ABCC9: variants seen among roughly 807,000 people sequenced by gnomAD.
The protein encoded by ABCC9 is ATP-binding cassette sub-family C member 9.
A neutral mutation model predicts 188.3 loss-of-function variants in ABCC9; 95 were observed. The observed-to-expected ratio is 0.50, with a 90% CI of 0.43 to 0.60. ABCC9 has a LOEUF of 0.60. Among genes scored for constraint, ABCC9 ranks in the 20% least tolerant of loss-of-function variants. The pLI, the probability that ABCC9 is intolerant of heterozygous loss-of-function variation, is 0.00. For missense variants in ABCC9, 1,102 were observed against 1,876.3 expected (o/e 0.59, Z 7.62); for synonymous variants, 659 against 652.7 (o/e 1.01, Z -0.15).
intron 35 of ABCC9, among the ~76,000 whole-genome samples, chr12:21,812,602 G>T (rs1942321261): frequency 6.6e-6 from 1 of 152,060 alleles, no homozygotes; most frequent in Non-Finnish European, 1.5e-5. Context: ...CACAGGAACA[G>T]AAAACCAAAT....
At position 21,799,272 on chromosome 12, in the gene ABCC9, G is replaced by T. The variant is rs941415293; in HGVS notation, c.*1772C>A. 3.7e-5 allele frequency: 5 copies of T among 134,452 alleles called. No individual in the cohort carries two copies. 8.3% of individuals were successfully genotyped at this position (134,452 alleles called of 1,614,324 possible). ...TAAAAAAAAAATTAAAAAAAAAAAA[G>T]AAAAAAAAAAGATTACTTCCATGGG... On this transcript the variant is annotated 3_prime_UTR_variant, in exon 40 of 40. Transcript: ENST00000261200.
intron 15 of ABCC9, 150 bp downstream of exon 15, chr12:21,887,676 G>A: frequency 1.5e-6 from 1 of 659,710 alleles, no homozygotes; most frequent in Non-Finnish European, 2.8e-6. Context: ...TTTTAGACTT[G>A]TGAGGTTGTA....
chr12:21,844,943 A>G (rs373853020), intron 26 of ABCC9, 28 bp from the exon 27 acceptor site: 8 of 1,612,088 alleles, frequency 5.0e-6, no homozygotes, highest in East Asian at 2.2e-5. Context: ...CAAAAAGCAC[A>G]TAGGAAATTA....
intron 2 of ABCC9, 138 bp from the exon 3 acceptor site, chr12:21,936,832 T>C: frequency 1.6e-6 from 1 of 638,800 alleles, no homozygotes. Flanking sequence ...TAAGAAACTC[T>C]GTGCCAAAGC....
intron 2 of ABCC9, among the ~76,000 whole-genome samples, chr12:21,937,795 G>T (rs934061777): frequency 1.8e-4 from 28 of 152,248 alleles, no homozygotes; most frequent in African/African-American, 6.7e-4. Context: ...AACCAGTAAA[G>T]CGGTCATGTC....
Position 21,852,097 on chromosome 12 carries a change from C to A in ABCC9, c.2769G>T (p.Lys923Asn). Reference protein sequence around the residue: ...LMNRQDQELEKDMEADQTTLE... With the variant: ...LMNRQDQELENDMEADQTTLE... Reference sequence around the variant, plus strand: ...ACTCTTCTGAACTATGAGCACTTACCTTTTCTAATTCTTGATCTTGCCGAT... The same window carrying A: ...ACTCTTCTGAACTATGAGCACTTACATTTTCTAATTCTTGATCTTGCCGAT... Residue 923 changes from lysine to asparagine, a missense_variant and splice_region_variant, in exon 24 of 40, where the codon AAG becomes AAT. By Grantham distance (94) the Lys-to-Asn change is moderately conservative. This residue lies in a region of ABCC9 where 131 missense variants were observed against 170.2 expected (regional missense o/e 0.77). Transcript: ENST00000261200. 1 of 1,613,456 alleles carries A rather than the reference C, an allele frequency of 6.2e-7. No homozygotes were observed. Among genetic ancestry groups the A allele is most frequent in the South Asian group, 1.1e-5 (1 of 91,068 alleles).
chr12:21,824,422 T>C (rs554042645), intron 31 of ABCC9, among the ~76,000 whole-genome samples: 4 of 152,334 alleles, frequency 2.6e-5, no homozygotes, highest in Non-Finnish European at 5.9e-5. Flanking sequence ...TTTGCAATGA[T>C]GTTCATCAGG....
At chr12:21,927,355 T>C (rs1427792576) in intron 4 of ABCC9, among the ~76,000 whole-genome samples, 2 of 152,138 alleles carry the variant, frequency 1.3e-5, no homozygotes, top group Non-Finnish European at 2.9e-5. Flanking sequence ...TGGTTGGTAA[T>C]ACACGAGTTT....
intron 12 of ABCC9, among the ~76,000 whole-genome samples, chr12:21,900,054 AC>A (rs927366178): frequency 6.6e-6 from 1 of 152,030 alleles, no homozygotes. Flanking sequence ...ACTGGGAGGC[AC>A]CCCCAGTAGG....
At chr12:21,818,286 C>T in intron 31 of ABCC9, 35 bp from the exon 32 acceptor site, 1 of 1,557,276 alleles carries the variant, frequency 6.4e-7, no homozygotes, top group Non-Finnish European at 8.9e-7. Context: ...TAAAAGGTTA[C>T]TCCCAAGTTC....
intron 20 of ABCC9, 45 bp downstream of exon 20, chr12:21,862,908 A>C: frequency 8.0e-7 from 1 of 1,248,370 alleles, no homozygotes; most frequent in African/African-American, 1.5e-5. Flanking sequence ...CACGAGTCAG[A>C]AAGAGTTGCC....
intron 16 of ABCC9, among the ~76,000 whole-genome samples, chr12:21,876,006 C>T (rs1255392219): frequency 3.3e-5 from 5 of 152,004 alleles, no homozygotes; most frequent in African/African-American, 7.3e-5. Context: ...GAGCCGAGAT[C>T]GCGCCACTGC....
At chr12:21,806,988 T>G (rs945619819) in intron 38 of ABCC9, among the ~76,000 whole-genome samples, 2 of 152,212 alleles carry the variant, frequency 1.3e-5, no homozygotes, top group Non-Finnish European at 2.9e-5. Flanking sequence ...TAGTAATAGA[T>G]TCTATTAAAC....
intron 2 of ABCC9, among the ~76,000 whole-genome samples, chr12:21,937,096 T>C (rs950708641): frequency 6.6e-6 from 1 of 152,152 alleles, no homozygotes; most frequent in African/African-American, 2.4e-5. Flanking sequence ...CCATACTCAC[T>C]GAAAATGTAC....
intron 12 of ABCC9, among the ~76,000 whole-genome samples, chr12:21,897,869 C>T (rs927998867): frequency 6.6e-6 from 1 of 152,132 alleles, no homozygotes; most frequent in Non-Finnish European, 1.5e-5. Context: ...GACTCAATAC[C>T]AACACAACTC....
chr12:21,856,590 A>C (rs1224382658), intron 22 of ABCC9, among the ~76,000 whole-genome samples: 1 of 152,216 alleles, frequency 6.6e-6, no homozygotes, highest in Non-Finnish European at 1.5e-5. Context: ...ATTTATTTAG[A>C]GCAAAATGTG....
intron 30 of ABCC9, chr12:21,831,019 A>G (rs935789275): frequency 9.5e-5 from 11 of 115,774 alleles, no homozygotes; most frequent in Non-Finnish European, 1.5e-4. Flanking sequence ...TCTATCATCA[A>G]TCTATCATCT....
At chr12:21,808,223 G>A (rs1941992924) in intron 37 of ABCC9, among the ~76,000 whole-genome samples, 1 of 152,034 alleles carries the variant, frequency 6.6e-6, no homozygotes, top group Non-Finnish European at 1.5e-5. Flanking sequence ...GTCATGATGG[G>A]AAAATAGGTA....
At chr12:21,808,367 G>A (rs902636626) in intron 37 of ABCC9, among the ~76,000 whole-genome samples, 4 of 152,006 alleles carry the variant, frequency 2.6e-5, no homozygotes, top group African/African-American at 4.8e-5. Context: ...ATATTCAGTC[G>A]GTTACATAAT....
Sources: allele counts gnomAD v4.1 joint callset (sites outside exome capture counted in the v4.1 genomes callset), GRCh38; gene constraint gnomAD v4.1.1; regional missense constraint gnomAD v4.1.1; transcripts MANE v1.5; gene names NCBI Gene and HGNC (gene_info 2026-07-23, HGNC 2026-07-21).